The following SNX9 variants were observed in gnomAD, a reference collection of about 807,000 sequenced individuals.
The protein encoded by SNX9 is sorting nexin-9.
A neutral mutation model predicts 89.4 loss-of-function variants in SNX9; 44 were observed. The ratio of observed to expected loss-of-function variants is 0.49; its 90% CI spans 0.39 to 0.63. SNX9 has a LOEUF of 0.63. Ranked by LOEUF, SNX9 falls within the 30% of genes least tolerant of loss-of-function variation. SNX9 has a pLI of 0.00. For missense variants in SNX9, 578 were observed against 736.1 expected, an observed-to-expected ratio of 0.79 and a Z score of 2.49; for synonymous variants, 236 against 247.8, an observed-to-expected ratio of 0.95 and a Z score of 0.45.
At chr6:157,839,885 C>T (rs148684243) in intron 1 of SNX9, among the ~76,000 whole-genome samples, 106 of 152,266 alleles carry the variant, frequency 7.0e-4, no homozygotes, top group African/African-American at 2.3e-3. Flanking sequence ...AGTATTGGGG[C>T]GTGAATCTCT....
At chr6:157,858,106 A>G (rs1350042332) in intron 1 of SNX9, among the ~76,000 whole-genome samples, 1 of 152,200 alleles carries the variant, frequency 6.6e-6, no homozygotes, top group Non-Finnish European at 1.5e-5. Flanking sequence ...GTGGTAGCAC[A>G]GGTGATCCTG....
Position 157,823,341 on chromosome 6 carries a change from C to T in SNX9, c.-94C>T, listed in dbSNP as rs536876583. ...CGCGCCGGGGCCCAGCCGGAGCCGC[C>T]GCCCTCGCCCTTGCCTTTGCCTGCG... On this transcript the variant is annotated 5_prime_UTR_variant, in exon 1 of 18. Coordinates refer to ENST00000392185, the MANE Select transcript of SNX9 (RefSeq NM_016224.5). The surrounding 1 kb of genome is among the most constrained non-coding windows in gnomAD (Gnocchi z 4.6). 7,456 of 1,119,856 alleles carry T rather than the reference C, an allele frequency of 6.7e-3. 46 individuals carry two copies. The highest frequency in any genetic ancestry group is 0.012 in the Middle Eastern group (32 of 2,714). 69.4% of individuals were successfully genotyped at this position (1,119,856 alleles called of 1,614,324 possible). A position where few individuals can be genotyped will look rare whatever the true frequency, so the allele number is the denominator to read the frequency against.
chr6:157,910,772 T>A (rs1447236152), intron 9 of SNX9, among the ~76,000 whole-genome samples: 1 of 152,096 alleles, frequency 6.6e-6, no homozygotes, highest in Admixed American at 6.5e-5. Context: ...TTGTTTTTAA[T>A]CTCCAGCCTA....
At chr6:157,916,008 T>C (rs1783462390) in intron 9 of SNX9, among the ~76,000 whole-genome samples, 1 of 151,350 alleles carries the variant, frequency 6.6e-6, no homozygotes, top group Non-Finnish European at 1.5e-5. Flanking sequence ...TTTTTGTGGG[T>C]ATGGATTCTT....
intron 4 of SNX9, among the ~76,000 whole-genome samples, chr6:157,885,871 C>G (rs1276549680): frequency 6.6e-6 from 1 of 152,162 alleles, no homozygotes; most frequent in African/African-American, 2.4e-5. Context: ...ATTAGGTGGC[C>G]CATAAGAGCT....
intron 4 of SNX9, among the ~76,000 whole-genome samples, chr6:157,875,801 T>C (rs1052917223): frequency 2.0e-5 from 3 of 152,222 alleles, no homozygotes; most frequent in Non-Finnish European, 4.4e-5. Flanking sequence ...TGCCAAATGA[T>C]GACACAGAGT....
intron 5 of SNX9, among the ~76,000 whole-genome samples, chr6:157,898,380 G>A (rs1281953658): frequency 1.3e-5 from 2 of 152,222 alleles, no homozygotes; most frequent in African/African-American, 2.4e-5. Context: ...GCTGTCGCCC[G>A]TGGATCACTG....
intron 1 of SNX9, among the ~76,000 whole-genome samples, chr6:157,857,453 CT>C (rs200115965): frequency 2.6e-5 from 4 of 151,848 alleles, no homozygotes; most frequent in Non-Finnish European, 5.9e-5. Context: ...ATGTGATTAC[CT>C]TTTTTAAAAA....
chr6:157,940,826 G>A, intron 16 of SNX9, 57 bp from the exon 17 acceptor site: 1 of 1,455,692 alleles, frequency 6.9e-7, no homozygotes, highest in Non-Finnish European at 9.6e-7. Context: ...GAGAAACCAG[G>A]TGTTGTCATT....
At chr6:157,938,491 A>T (rs950486346) in intron 15 of SNX9, 142 bp from the exon 16 acceptor site, 7 of 558,110 alleles carry the variant, frequency 1.3e-5, no homozygotes, top group African/African-American at 1.9e-5. Context: ...TTAAATTTAG[A>T]TGCTTTCCTC....
At chr6:157,878,225 G>A (rs1009165619) in intron 4 of SNX9, among the ~76,000 whole-genome samples, 4 of 152,154 alleles carry the variant, frequency 2.6e-5, no homozygotes, top group African/African-American at 9.7e-5. Context: ...CTCTTTTGGT[G>A]GTGAGAAAAC....
chr6:157,927,851 C>T (rs952908970), intron 11 of SNX9, among the ~76,000 whole-genome samples: 2 of 150,450 alleles, frequency 1.3e-5, no homozygotes, highest in African/African-American at 2.4e-5. Context: ...CTCAGCCTCT[C>T]GAGTAGCTGG....
chr6:157,844,874 C>T (rs1449997609), intron 1 of SNX9, among the ~76,000 whole-genome samples: 2 of 151,688 alleles, frequency 1.3e-5, no homozygotes, highest in African/African-American at 4.8e-5. Flanking sequence ...GGATTACAGG[C>T]ATGAGCCACT....
chr6:157,929,219 T>C (rs73577622), intron 12 of SNX9, among the ~76,000 whole-genome samples: 3,098 of 152,272 alleles, frequency 0.02, 93 homozygotes, highest in African/African-American at 0.071. Flanking sequence ...CCTCCCTCCT[T>C]CTCCTTTGTT....
At chr6:157,927,237 C>G in intron 11 of SNX9, 23 bp downstream of exon 11, 1 of 1,550,798 alleles carries the variant, frequency 6.4e-7, no homozygotes, top group Middle Eastern at 1.7e-4. Context: ...GCCAGGTTTT[C>G]TTTCTTCTCA....
intron 13 of SNX9, among the ~76,000 whole-genome samples, 195 bp from the exon 14 acceptor site, chr6:157,935,769 G>A (rs934169033): frequency 3.9e-5 from 6 of 152,306 alleles, no homozygotes; most frequent in African/African-American, 7.2e-5. Flanking sequence ...GGGTGTAGAC[G>A]AACACAGGCT....
At chr6:157,859,394 C>A (rs1408501515) in intron 1 of SNX9, among the ~76,000 whole-genome samples, 1 of 152,172 alleles carries the variant, frequency 6.6e-6, no homozygotes, top group Non-Finnish European at 1.5e-5. Flanking sequence ...ACCATGTATT[C>A]ATTCCATGTC....
chr6:157,870,525 C>T (rs531219589), intron 2 of SNX9, among the ~76,000 whole-genome samples: 69 of 149,184 alleles, frequency 4.6e-4, no homozygotes, highest in African/African-American at 1.6e-3. Context: ...CTCACCTGTG[C>T]AAGCACGCAC....
At chr6:157,912,065 C>T (rs1418483544) in intron 9 of SNX9, among the ~76,000 whole-genome samples, 2 of 152,180 alleles carry the variant, frequency 1.3e-5, no homozygotes, top group African/African-American at 4.8e-5. Context: ...CCAGTTCAGA[C>T]ACTCCCTGTA....
Sources: gnomAD v4.1 joint callset for allele counts (sites outside exome capture counted in the v4.1 genomes callset) on GRCh38, gnomAD v4.1.1 for gene constraint, Gnocchi (gnomAD v3.1) non-coding constraint, MANE v1.5 for transcripts, NCBI Gene and HGNC (gene_info 2026-07-23, HGNC 2026-07-21) for gene names.